The following L3MBTL4 variants were observed in gnomAD, a reference collection of about 807,000 sequenced individuals.
L3MBTL4 encodes the protein lethal(3)malignant brain tumor-like protein 4.
A neutral mutation model predicts 84.5 loss-of-function variants in L3MBTL4; 70 were observed. That is an observed-to-expected ratio of 0.83 (90% confidence interval 0.68 to 1.01). The LOEUF (loss-of-function observed/expected upper bound fraction) is 1.01, where lower values mean the gene tolerates loss of function less well. L3MBTL4 is among the 50% of genes least tolerant of loss of function. The probability of loss-of-function intolerance (pLI) is 0.00; values close to 1 mark genes in which losing one functional copy is unlikely to be tolerated. For missense variants in L3MBTL4, 715 were observed against 754.8 expected (o/e 0.95, Z 0.62); for synonymous variants, 274 against 259.8 (o/e 1.05, Z -0.52).
intron 14 of L3MBTL4, among the ~76,000 whole-genome samples, chr18:6,117,112 TTTTC>T (rs2059384049): frequency 6.6e-6 from 1 of 152,314 alleles, no homozygotes; most frequent in African/African-American, 2.4e-5. Flanking sequence ...GGCTGCATAG[TTTTC>T]CTTTGTACAA....
At chr18:5,976,128 A>G (rs994011679) in intron 16 of L3MBTL4, among the ~76,000 whole-genome samples, 3 of 152,216 alleles carry the variant, frequency 2.0e-5, no homozygotes, top group Non-Finnish European at 4.4e-5. Flanking sequence ...GCCACTAGCC[A>G]CACTACAGAG....
intron 15 of L3MBTL4, among the ~76,000 whole-genome samples, chr18:6,092,255 TA>T (rs1259136813): frequency 6.6e-6 from 1 of 152,136 alleles, no homozygotes; most frequent in African/African-American, 2.4e-5. Flanking sequence ...TGTGCATGAA[TA>T]AAAATAAAAA....
At chr18:6,215,299 A>C (rs147039832) in intron 11 of L3MBTL4, among the ~76,000 whole-genome samples, 1 of 152,258 alleles carries the variant, frequency 6.6e-6, no homozygotes, top group Non-Finnish European at 1.5e-5. Context: ...AAAAATCAGT[A>C]TTCTAACAAA....
chr18:6,020,897 A>T (rs372079208), intron 16 of L3MBTL4, among the ~76,000 whole-genome samples: 7 of 152,318 alleles, frequency 4.6e-5, no homozygotes, highest in African/African-American at 1.7e-4. Context: ...TGGAGACAGA[A>T]CTTTGGAAGC....
chr18:6,109,859 T>A (rs1215377391), intron 14 of L3MBTL4, among the ~76,000 whole-genome samples: 1 of 152,118 alleles, frequency 6.6e-6, no homozygotes, highest in Non-Finnish European at 1.5e-5. Context: ...TATTTCCTTT[T>A]TCCCTTAAAT....
At chr18:6,338,185 G>C (rs1252674016) in intron 1 of L3MBTL4, among the ~76,000 whole-genome samples, 1 of 151,966 alleles carries the variant, frequency 6.6e-6, no homozygotes, top group African/African-American at 2.4e-5. Flanking sequence ...AGAAAGAGGA[G>C]GAGGAGGAGG....
At chr18:6,236,373 C>T (rs1200126519) in intron 10 of L3MBTL4, among the ~76,000 whole-genome samples, 1 of 152,156 alleles carries the variant, frequency 6.6e-6, no homozygotes, top group Non-Finnish European at 1.5e-5. Context: ...TTAGGCAATG[C>T]TTTTGCAGAC....
intron 13 of L3MBTL4, among the ~76,000 whole-genome samples, chr18:6,152,322 C>A (rs1415675754): frequency 6.6e-6 from 1 of 151,826 alleles, no homozygotes; most frequent in African/African-American, 2.4e-5. Context: ...TTTTCCATAA[C>A]AGCTATACCA....
chr18:6,243,279 T>C lies in L3MBTL4; in HGVS notation c.460+15A>G. 1 of 1,511,110 alleles carries C rather than the reference T, an allele frequency of 6.6e-7. No homozygotes were observed. Among genetic ancestry groups the C allele is most frequent in the East Asian group, 2.4e-5 (1 of 41,546 alleles). 93.6% of individuals were successfully genotyped at this position (1,511,110 alleles called of 1,614,324 possible). ...ATTGATTCTCTTTCCAGTTGGTAAA[T>C]GTATCCTGGCTTACCCTTAGGGATG... On this transcript the variant is annotated intron_variant, in intron 7 of 18. Coordinates refer to ENST00000317931, the MANE Select transcript of L3MBTL4 (RefSeq NM_001330559.2).
rs1279347808 is a variant in L3MBTL4, at chr18:6,283,393, A to G, written c.127+18510T>C. On this transcript the variant is annotated intron_variant, in intron 4 of 18. Transcript: ENST00000317931. ...TGGTTATGTAAGAAAAGAAAAACCA[A>G]ATGAGTTTTTAAAGGTTTAGACTTC... is the stretch of plus-strand genomic sequence containing the variant. Among the ~76,000 whole-genome samples the G allele has an allele frequency of 2.0e-5, 3 of 152,344 alleles. No individual in the cohort carries two copies. In the East Asian group the frequency reaches 5.8e-4, roughly 29 times the overall value.
At chr18:6,136,257 C>G (rs1207218403) in intron 14 of L3MBTL4, among the ~76,000 whole-genome samples, 1 of 152,162 alleles carries the variant, frequency 6.6e-6, no homozygotes. Flanking sequence ...CAGCCCCTCC[C>G]AAGTGCTGGC....
intron 1 of L3MBTL4, among the ~76,000 whole-genome samples, chr18:6,351,821 G>C (rs2053212470): frequency 6.6e-6 from 1 of 152,120 alleles, no homozygotes; most frequent in African/African-American, 2.4e-5. Flanking sequence ...AAAGTGCTGG[G>C]ATTACAGGCG....
chr18:6,347,769 C>A (rs969002595), intron 1 of L3MBTL4, among the ~76,000 whole-genome samples: 1 of 151,668 alleles, frequency 6.6e-6, no homozygotes, highest in Non-Finnish European at 1.5e-5. Context: ...TGTGGATGCC[C>A]GCTATCATCA....
At chr18:6,125,349 C>T (rs2059658199) in intron 14 of L3MBTL4, among the ~76,000 whole-genome samples, 2 of 152,148 alleles carry the variant, frequency 1.3e-5, no homozygotes, top group Admixed American at 6.5e-5. Flanking sequence ...AGGTTAAACT[C>T]TCTTATCAAC....
rs1045691135 is a variant in L3MBTL4 at position 5,997,096 on chromosome 18, A to G, written c.1445-27534T>C. Among the ~76,000 whole-genome samples the G allele has an allele frequency of 2.6e-4, 38 of 146,862 alleles. 2 individuals are homozygous for G. Among genetic ancestry groups the G allele is most frequent in the African/African-American group, 7.7e-4 (28 of 36,448 alleles). On this transcript the variant is annotated intron_variant, in intron 16 of 18. Coordinates refer to ENST00000317931, the MANE Select transcript of L3MBTL4 (RefSeq NM_001330559.2). ...AAAACATTACAATAGTAAAAACACTACAAGTAAAAAAGCAATTAAGTATTA... is the reference window on the plus strand; with the variant it reads ...AAAACATTACAATAGTAAAAACACTGCAAGTAAAAAAGCAATTAAGTATTA...
chr18:6,255,611 C>G (rs965678893), intron 5 of L3MBTL4, among the ~76,000 whole-genome samples: 1 of 152,130 alleles, frequency 6.6e-6, no homozygotes, highest in Non-Finnish European at 1.5e-5. Flanking sequence ...TTTTAAAATA[C>G]AGTTCCTTCT....
At chr18:6,267,668 T>G (rs2048693475) in intron 4 of L3MBTL4, among the ~76,000 whole-genome samples, 1 of 152,218 alleles carries the variant, frequency 6.6e-6, no homozygotes, top group Admixed American at 6.5e-5. Context: ...TAGTCATATT[T>G]CCAATTGTCA....
intron 12 of L3MBTL4, among the ~76,000 whole-genome samples, chr18:6,193,621 C>T (rs1275484899): frequency 1.3e-5 from 2 of 152,208 alleles, no homozygotes; most frequent in Non-Finnish European, 2.9e-5. Context: ...GTCTGGGCTT[C>T]TTGATCAAAC....
At chr18:6,350,025 A>C (rs1419520841) in intron 1 of L3MBTL4, among the ~76,000 whole-genome samples, 1 of 152,238 alleles carries the variant, frequency 6.6e-6, no homozygotes, top group Non-Finnish European at 1.5e-5. Context: ...TTGAGTCCAC[A>C]AATGGCATTG....
Sources: gnomAD v4.1 joint callset for allele counts (sites outside exome capture counted in the v4.1 genomes callset) on GRCh38, gnomAD v4.1.1 for gene constraint, MANE v1.5 for transcripts, NCBI Gene and HGNC (gene_info 2026-07-23, HGNC 2026-07-21) for gene names.